The following KANSL2 variants were observed in gnomAD, a reference collection of about 807,000 sequenced individuals.
KANSL2 encodes NSL complex protein NSL2.
KANSL2 carries 34 observed loss-of-function variants against 55.6 expected under a neutral mutation model. The ratio of observed to expected loss-of-function variants is 0.61; its 90% CI spans 0.46 to 0.81. The LOEUF is 0.81. Among genes scored for constraint, KANSL2 ranks in the 40% least tolerant of loss-of-function variants. The pLI, the probability that KANSL2 is intolerant of heterozygous loss-of-function variation, is 0.00. For missense variants in KANSL2, 502 were observed against 609.9 expected, an observed-to-expected ratio of 0.82 and a Z score of 1.86; for synonymous variants, 209 against 214.3, an observed-to-expected ratio of 0.98 and a Z score of 0.22.
In KANSL2 at chr12:48,679,059, G is replaced by A. The variant is rs1939874109; in HGVS notation, c.522C>T (p.Asp174=). The A allele has an allele frequency of 1.2e-6, 2 of 1,613,248 alleles. No homozygotes were observed. Among genetic ancestry groups the A allele is most frequent in the African/African-American group, 2.7e-5 (2 of 74,984 alleles). ...GDPDSEADSI[D]SDQEDPLKHA... ...ACTTTAGGGGATCTTCTTGATCACT[G>A]TCTATGCTATCAGCTTCACTGTCAG... Residue 174 remains aspartate (D), a synonymous_variant, in exon 4 of 10, where the codon GAC becomes GAT. Transcript: ENST00000420613.
chr12:48,676,128 T>C (rs570347345), intron 4 of KANSL2, among the ~76,000 whole-genome samples: 1 of 152,276 alleles, frequency 6.6e-6, no homozygotes, highest in South Asian at 2.1e-4. Flanking sequence ...TCTGTGTGTA[T>C]GAGATAGGGT....
chr12:48,654,314 A>T, intron 9 of KANSL2, 139 bp from the exon 10 acceptor site: 14 of 933,310 alleles, frequency 1.5e-5, no homozygotes, highest in Non-Finnish European at 2.5e-5. Flanking sequence ...TGCTCTTCCC[A>T]TATTAGCTAT....
Position 48,655,072 on chromosome 12 carries a change from A to G in KANSL2, c.1228-12T>C. On this transcript the variant is annotated splice_polypyrimidine_tract_variant and intron_variant, in intron 8 of 9. Transcript: ENST00000420613. ...ACAACATCCAAGTCCTAGAAAAAAG[A>G]GAAAAGCCCATCAGCAATACCAAGG... is the stretch of plus-strand genomic sequence containing the variant. 1 of 1,561,866 alleles carries G rather than the reference A, an allele frequency of 6.4e-7. No individual in the cohort carries two copies. Among genetic ancestry groups the G allele is most frequent in the Non-Finnish European group, 8.7e-7 (1 of 1,153,064 alleles).
intron 8 of KANSL2, among the ~76,000 whole-genome samples, chr12:48,656,246 G>A (rs867988024): frequency 9.3e-5 from 14 of 151,204 alleles, no homozygotes; most frequent in African/African-American, 2.7e-4. Flanking sequence ...TCCCTATCCC[G>A]ACAGAGCAAC....
At chr12:48,678,215 A>T (rs916507008) in intron 4 of KANSL2, among the ~76,000 whole-genome samples, 2 of 152,222 alleles carry the variant, frequency 1.3e-5, no homozygotes, top group African/African-American at 4.8e-5. Flanking sequence ...TAAGACACAG[A>T]AGTCAGCAGG....
chr12:48,669,905 A>G (rs1939677788), intron 5 of KANSL2, among the ~76,000 whole-genome samples: 1 of 152,074 alleles, frequency 6.6e-6, no homozygotes, highest in Admixed American at 6.6e-5. Context: ...CCAGTTATAT[A>G]CAAGTCTAGC....
In KANSL2 at chr12:48,681,552, A is replaced by C. The variant is rs200348357; in HGVS notation, c.81T>G (p.Ser27=). Residue 27 remains serine (S), a synonymous_variant, in exon 2 of 10, where the codon TCT becomes TCG. Coordinates refer to ENST00000420613, the MANE Select transcript of KANSL2 (RefSeq NM_017822.4). The stretch of plus-strand genomic sequence containing the variant: ...AGCATGGACGATGAGTGAATGCACA[A>C]GACAGAGGTTCCTGAGACCTGGGCA... ...TPVPRSQEPL[S]CAFTHRPCSH... The C allele has an allele frequency of 4.6e-5, 74 of 1,614,014 alleles. No homozygotes were observed. In the East Asian group the frequency reaches 1.6e-3, roughly 36 times the overall value.
rs553792341 is a variant in KANSL2, at chr12:48,654,880, G to A, written c.1347+61C>T. The A allele has an allele frequency of 6.1e-5, 93 of 1,535,220 alleles. No individual in the cohort carries two copies. In the African/African-American group the frequency reaches 1.2e-3, roughly 20 times the overall value. Reference sequence around the variant, plus strand: ...CCAGGAGCACATGCTATCTAGCAGGGAACCCTCTGCCTGGCCAGGTCACTA... The same window carrying A: ...CCAGGAGCACATGCTATCTAGCAGGAAACCCTCTGCCTGGCCAGGTCACTA... On this transcript the variant is annotated intron_variant, in intron 9 of 9. Coordinates refer to ENST00000420613, the MANE Select transcript of KANSL2 (RefSeq NM_017822.4).
intron 7 of KANSL2, among the ~76,000 whole-genome samples, chr12:48,664,468 TG>T (rs1565605865): frequency 6.6e-6 from 1 of 151,528 alleles, no homozygotes; most frequent in Non-Finnish European, 1.5e-5. Context: ...TTAGTAGAGA[TG>T]GGGTTTTGCC....
chr12:48,673,787 C>A (rs770018429), intron 4 of KANSL2, among the ~76,000 whole-genome samples: 1 of 151,512 alleles, frequency 6.6e-6, no homozygotes, highest in South Asian at 2.1e-4. Context: ...CCTGTCAATA[C>A]AAAAAATACA....
intron 8 of KANSL2, among the ~76,000 whole-genome samples, chr12:48,659,579 T>C (rs1024691164): frequency 6.6e-6 from 1 of 151,320 alleles, no homozygotes; most frequent in African/African-American, 2.4e-5. Context: ...GCCATGATCA[T>C]GCCACTGCAC....
rs766727569 is a variant in KANSL2, at chr12:48,667,693, G to A, written c.973C>T (p.His325Tyr). ...CTTAACAGGCAGAGTAAAAAGATAC[G>A]GGTAAGGCAGTGTCTGGTCATTGGA... ...SLPMTRHCLT[H>Y]ICQDTNQVLF... The change falls in exon 7 of 10, where the codon CAT becomes TAT. Residue 325 changes from histidine to tyrosine, a missense_variant and splice_region_variant. Coordinates refer to ENST00000420613, the MANE Select transcript of KANSL2 (RefSeq NM_017822.4). 7 of 1,607,212 alleles carry A rather than the reference G, an allele frequency of 4.4e-6. No individual in the cohort carries two copies. Among genetic ancestry groups the A allele is most frequent in the African/African-American group, 1.3e-5 (1 of 74,910 alleles).
At position 48,654,111 on chromosome 12, in the gene KANSL2, G is replaced by A. The variant is rs1174295229; in HGVS notation, c.1412C>T (p.Ser471Phe). ...CAATCCACTCTGAGACAATGGTGCAGAGGCTTTCTCAGAATTTCGAGATCC... is the reference window on the plus strand; with the variant it reads ...CAATCCACTCTGAGACAATGGTGCAAAGGCTTTCTCAGAATTTCGAGATCC... ...SQGSRNSEKA[S>F]APLSQSGLAT... The change falls in exon 10 of 10, where the codon TCT becomes TTT. Residue 471 changes from serine to phenylalanine, a missense_variant. Ser to Phe is a radical substitution (Grantham distance 155, BLOSUM62 -2). Transcript: ENST00000420613. 1.2e-6 allele frequency: 2 copies of A among 1,613,216 alleles called. No homozygotes were observed. Among genetic ancestry groups the A allele is most frequent in the South Asian group, 2.2e-5 (2 of 90,942 alleles).
intron 5 of KANSL2, among the ~76,000 whole-genome samples, chr12:48,670,426 G>C (rs145388263): frequency 6.6e-6 from 1 of 152,120 alleles, no homozygotes; most frequent in African/African-American, 2.4e-5. Flanking sequence ...GCATGAGATT[G>C]TCCCCGAAGA....
chr12:48,675,245 AAAAG>A (rs1939798875), intron 4 of KANSL2, among the ~76,000 whole-genome samples: 2 of 151,962 alleles, frequency 1.3e-5, no homozygotes, highest in South Asian at 4.1e-4. Context: ...AAATACAAAA[AAAAG>A]AAAGAAATTA....
intron 7 of KANSL2, chr12:48,662,626 C>A: frequency 7.8e-7 from 1 of 1,287,824 alleles, no homozygotes; most frequent in Non-Finnish European, 1.0e-6. Context: ...AAAGAGTTAA[C>A]AGGTCACCAA....
chr12:48,677,784 CAAAAAAAAAAAAAA>C (rs56147873), intron 4 of KANSL2, among the ~76,000 whole-genome samples: 6 of 47,666 alleles, frequency 1.3e-4, no homozygotes, highest in Admixed American at 3.5e-4. Context: ...GACTCCATCT[CAAAAAAAAAAAAAA>C]AAAAAAAAAA....
intron 7 of KANSL2, chr12:48,667,461 G>A (rs1242738681): frequency 1.6e-6 from 1 of 637,992 alleles, no homozygotes; most frequent in African/African-American, 1.8e-5. Flanking sequence ...AACGACTCAT[G>A]TTTCTTTCTA....
intron 6 of KANSL2, among the ~76,000 whole-genome samples, chr12:48,668,706 A>C (rs1939647865): frequency 6.6e-6 from 1 of 152,148 alleles, no homozygotes; most frequent in African/African-American, 2.4e-5. Flanking sequence ...TCTCAAAAAA[A>C]GACTGGACAT....
Sources: gnomAD v4.1 joint callset for allele counts (sites outside exome capture counted in the v4.1 genomes callset) on GRCh38, gnomAD v4.1.1 for gene constraint, MANE v1.5 for transcripts, NCBI Gene and HGNC (gene_info 2026-07-23, HGNC 2026-07-21) for gene names.